The following SUPT16H variants were observed in gnomAD, a reference collection of about 807,000 sequenced individuals.
SUPT16H encodes SPT16 homolog, facilitates chromatin remodeling subunit.
In SUPT16H, 24 loss-of-function variants were observed where a neutral mutation model predicts 136.2. The observed-to-expected ratio is 0.18, with a 90% confidence interval of 0.13 to 0.25. The LOEUF (loss-of-function observed/expected upper bound fraction) is 0.25. Among genes scored for constraint, SUPT16H ranks in the 10% least tolerant of loss-of-function variants. The pLI is 1.00. For synonymous variants in SUPT16H, 415 were observed against 428.2 expected (o/e 0.97, Z 0.38); for missense variants, 623 against 1,270.2 (o/e 0.49, Z 7.74).
chr14:21,371,799 C>G (rs1224257027), intron 3 of SUPT16H, 75 bp downstream of exon 3: 2 of 1,548,642 alleles, frequency 1.3e-6, no homozygotes, highest in Admixed American at 4.3e-5. Context: ...TTCTTTCAAA[C>G]TCCTATAAGG....
chr14:21,356,240 C>G (rs1387779677), intron 22 of SUPT16H, among the ~76,000 whole-genome samples: 2 of 152,182 alleles, frequency 1.3e-5, no homozygotes, highest in Non-Finnish European at 2.9e-5. Context: ...GAGGGATGAT[C>G]TACACATTCA....
intron 24 of SUPT16H, 55 bp from the exon 25 acceptor site, chr14:21,353,620 A>C (rs1053791370): frequency 3.1e-6 from 5 of 1,605,552 alleles, no homozygotes; most frequent in Non-Finnish European, 4.2e-6. Flanking sequence ...ATGGAACGAC[A>C]GAGTTCTTAG....
chr14:21,376,700 T>C (rs1191446963), intron 1 of SUPT16H, among the ~76,000 whole-genome samples: 2 of 151,928 alleles, frequency 1.3e-5, no homozygotes, highest in East Asian at 3.9e-4. Context: ...TACTACACAC[T>C]CAGGAAAAAA....
At chr14:21,380,510 A>G (rs1322182240) in intron 1 of SUPT16H, among the ~76,000 whole-genome samples, 3 of 152,018 alleles carry the variant, frequency 2.0e-5, no homozygotes, top group African/African-American at 7.3e-5. Context: ...AAACTAAGCC[A>G]CCATAAAAAT....
chr14:21,380,144 A>G (rs747192107), intron 1 of SUPT16H, among the ~76,000 whole-genome samples: 2 of 152,156 alleles, frequency 1.3e-5, no homozygotes, highest in Non-Finnish European at 2.9e-5. Flanking sequence ...TATATTCGGT[A>G]TTATAAGTAA....
At chr14:21,382,351 A>C (rs540167487) in intron 1 of SUPT16H, among the ~76,000 whole-genome samples, 95 of 152,372 alleles carry the variant, frequency 6.2e-4, no homozygotes, top group African/African-American at 2.2e-3. Context: ...GAGATACAAA[A>C]AAAAATGGTG....
intron 5 of SUPT16H, 84 bp downstream of exon 5, chr14:21,369,666 C>A: frequency 6.5e-7 from 1 of 1,540,956 alleles, no homozygotes; most frequent in South Asian, 1.2e-5. Context: ...TCAAAGGAAG[C>A]TGAAGAACAC....
chr14:21,369,776 C>G lies in SUPT16H; in HGVS notation c.604G>C (p.Val202Leu), dbSNP rs1263208665. 6.2e-7 allele frequency: 1 copy of G among 1,614,048 alleles called. No individual in the cohort carries two copies. ...EVFNKFFKER[V>L]MEIVDADEKV... ...TCATCTGCATCAACTATTTCCATGA[C>G]TCTTTCCTTGAAGAATTTGTTGAAG... is the stretch of plus-strand genomic sequence containing the variant. The change falls in exon 5 of 26, where the codon GTC (valine) becomes CTC (leucine). Residue 202 changes from valine to leucine, a missense_variant. Val to Leu is a conservative substitution (Grantham distance 32). This residue lies in a region of SUPT16H where 343 missense variants were observed against 525.7 expected (regional missense o/e 0.65). Coordinates refer to ENST00000216297, the MANE Select transcript of SUPT16H (RefSeq NM_007192.4).
intron 7 of SUPT16H, 46 bp downstream of exon 7, chr14:21,368,220 GACA>G (rs1459158513): frequency 1.4e-5 from 22 of 1,565,928 alleles, no homozygotes; most frequent in Non-Finnish European, 1.9e-5. Flanking sequence ...CCCGGCCAAT[GACA>G]TTTTTGTTAC....
chr14:21,365,110 G>C lies in SUPT16H; in HGVS notation c.1080C>G (p.Ser360=). 1 of 1,613,742 alleles carries C rather than the reference G, an allele frequency of 6.2e-7. No individual in the cohort carries two copies. Among genetic ancestry groups the C allele is most frequent in the Non-Finnish European group, 8.5e-7 (1 of 1,179,862 alleles). Residue 360 remains serine (S), a synonymous_variant, in exon 9 of 26, where the codon TCC becomes TCG. Coordinates refer to ENST00000216297, the MANE Select transcript of SUPT16H (RefSeq NM_007192.4). ...FGMGIEFREG[S]LVINSKNQYK... ...ATTGATTTTTGCTATTGATTACTAGGGAGCCTTCACGGAATTCAATTCCCA... is the reference window on the plus strand; with the variant it reads ...ATTGATTTTTGCTATTGATTACTAGCGAGCCTTCACGGAATTCAATTCCCA...
intron 14 of SUPT16H, 99 bp downstream of exon 14, chr14:21,362,695 A>G (rs1162502762): frequency 1.4e-6 from 2 of 1,392,758 alleles, no homozygotes; most frequent in Non-Finnish European, 9.7e-7. Context: ...TGAAGGAGTC[A>G]AAAGTGGGAG....
chr14:21,366,666 T>TTTTC (rs1886675565), intron 7 of SUPT16H, 137 bp from the exon 8 acceptor site: 2 of 772,542 alleles, frequency 2.6e-6, no homozygotes, highest in Admixed American at 5.1e-5. Flanking sequence ...CTTTTTTTTT[T>TTTTC]TGAGACAAGG....
At chr14:21,357,513 C>T (rs1198090275) in intron 21 of SUPT16H, 147 bp from the exon 22 acceptor site, 1 of 709,564 alleles carries the variant, frequency 1.4e-6, no homozygotes, top group Non-Finnish European at 2.1e-6. Flanking sequence ...GGCAGTACAA[C>T]ATACTAAGAA....
chr14:21,360,621 C>G, intron 17 of SUPT16H, 88 bp from the exon 18 acceptor site: 1 of 1,274,662 alleles, frequency 7.8e-7, no homozygotes, highest in Admixed American at 1.9e-5. Context: ...TGCACAGGGT[C>G]AGAGGAAACA....
At chr14:21,363,410 C>T in intron 11 of SUPT16H, 28 bp downstream of exon 11, 1 of 1,611,534 alleles carries the variant, frequency 6.2e-7, no homozygotes, top group Non-Finnish European at 8.5e-7. Flanking sequence ...CCTAAACTTC[C>T]TATACTACTT....
At chr14:21,366,044 G>T (rs551072031) in intron 8 of SUPT16H, among the ~76,000 whole-genome samples, 1 of 152,350 alleles carries the variant, frequency 6.6e-6, no homozygotes, top group East Asian at 1.9e-4. Flanking sequence ...CTAGACTGCA[G>T]TGAGGCACGA....
At chr14:21,357,047 G>C in intron 22 of SUPT16H, 150 bp downstream of exon 22, 1 of 674,344 alleles carries the variant, frequency 1.5e-6, no homozygotes, top group Non-Finnish European at 2.2e-6. Context: ...TTATCTAATA[G>C]ATCTCAAGTT....
At chr14:21,356,739 C>T (rs1886442718) in intron 22 of SUPT16H, among the ~76,000 whole-genome samples, 1 of 150,804 alleles carries the variant, frequency 6.6e-6, no homozygotes, top group Non-Finnish European at 1.5e-5. Flanking sequence ...GACCCTGTCT[C>T]AAACAACCAC....
At chr14:21,364,236 A>C (rs1237693210) in intron 10 of SUPT16H, among the ~76,000 whole-genome samples, 1 of 150,606 alleles carries the variant, frequency 6.6e-6, no homozygotes, top group East Asian at 2.0e-4. Flanking sequence ...CAGTTCGCTG[A>C]GGGAAAGAAG....
Sources: allele counts gnomAD v4.1 joint callset (sites outside exome capture counted in the v4.1 genomes callset), GRCh38; gene constraint gnomAD v4.1.1; regional missense constraint gnomAD v4.1.1; transcripts MANE v1.5; gene names NCBI Gene and HGNC (gene_info 2026-07-23, HGNC 2026-07-21).